Variants in ATP1A1 observed in about 807,000 individuals in gnomAD.
The protein encoded by ATP1A1 is ATPase Na+/K+ transporting subunit alpha 1.
ATP1A1 carries 14 observed loss-of-function variants against 114.8 expected under a neutral mutation model. That is an observed-to-expected ratio of 0.12 (90% CI 0.08 to 0.19). The LOEUF is 0.19. Ranked by LOEUF, ATP1A1 falls within the 10% of genes least tolerant of loss-of-function variation. ATP1A1 has a pLI of 1.00. For missense variants in ATP1A1, 524 were observed against 1,290.7 expected (o/e 0.41, Z 9.10); for synonymous variants, 471 against 466.3 (o/e 1.01, Z -0.13).
intron 1 of ATP1A1, among the ~76,000 whole-genome samples, chr1:116,378,979 T>C (rs1651553505): frequency 6.6e-6 from 1 of 152,168 alleles, no homozygotes; most frequent in Non-Finnish European, 1.5e-5. Flanking sequence ...GAAACTGAAG[T>C]TTTTGTCTGA....
Position 116,401,779 on chromosome 1 carries a change from G to C in ATP1A1, c.2951+124G>C. On this transcript the variant is annotated intron_variant, in intron 21 of 22. Coordinates refer to ENST00000295598, the MANE Select transcript of ATP1A1 (RefSeq NM_000701.8). This position sits in a 1 kb window ranked among gnomAD's most constrained non-coding sequence, Gnocchi z 4.7. ...GTGGTATGTACAAAAATTCCTATGGGTTGGAAAACTGTGAAAGCTTGACAT... is the reference window on the plus strand; with the variant it reads ...GTGGTATGTACAAAAATTCCTATGGCTTGGAAAACTGTGAAAGCTTGACAT... 1.1e-6 allele frequency: 1 copy of C among 930,716 alleles called. No homozygotes were observed. The highest frequency in any genetic ancestry group is 1.7e-6 in the Non-Finnish European group (1 of 602,232). 57.7% of individuals were successfully genotyped at this position (930,716 alleles called of 1,614,324 possible).
rs188950767 is a variant in ATP1A1 at position 116,376,909 on chromosome 1, T to A, written c.12+3386T>A. Among the ~76,000 whole-genome samples, 498 of 152,366 alleles carry A rather than the reference T, an allele frequency of 3.3e-3. 5 individuals are homozygous for A. The highest frequency in any genetic ancestry group is 2.1e-3 in the Non-Finnish European group (142 of 68,046). On this transcript the variant is annotated intron_variant, in intron 1 of 22. Coordinates refer to ENST00000295598, the MANE Select transcript of ATP1A1 (RefSeq NM_000701.8). The stretch of plus-strand genomic sequence containing the variant: ...CCTAAATTGCATTCAAAAATAAAAG[T>A]GAACTCAACATCTTATAGCACAATA...
intron 8 of ATP1A1, 136 bp from the exon 9 acceptor site, chr1:116,390,077 T>C: frequency 1.1e-6 from 1 of 935,452 alleles, no homozygotes; most frequent in South Asian, 1.6e-5. Context: ...GTTCCCCTTA[T>C]TATTTCTTCA....
Position 116,393,846 on chromosome 1 carries a change from T to C in ATP1A1, c.1660+123T>C, listed in dbSNP as rs543240580. On this transcript the variant is annotated intron_variant, in intron 12 of 22. Coordinates refer to ENST00000295598, the MANE Select transcript of ATP1A1 (RefSeq NM_000701.8). This position sits in a 1 kb window ranked among gnomAD's most constrained non-coding sequence, Gnocchi z 5.0. ...CTTGTTGACCTTCCTCTACATCTTT[T>C]AGGGGCAATCCTCCTATTTGTTTAT... The C allele has an allele frequency of 6.0e-5, 57 of 947,696 alleles. No individual in the cohort carries two copies. In the East Asian group the frequency reaches 1.4e-3, roughly 23 times the overall value. The allele number at this position is 947,696 out of a possible 1,614,324, so 58.7% of individuals were successfully genotyped here. A position where few individuals can be genotyped will look rare whatever the true frequency, so the allele number is the denominator to read the frequency against.
chr1:116,396,854 T>G (rs370916414), intron 14 of ATP1A1, 120 bp downstream of exon 14: 8 of 1,263,878 alleles, frequency 6.3e-6, no homozygotes, highest in Admixed American at 3.4e-5. Context: ...GAAATGTACC[T>G]GCACTGCCAG....
chr1:116,400,615 T>C (rs1653376943), intron 18 of ATP1A1, among the ~76,000 whole-genome samples: 1 of 152,168 alleles, frequency 6.6e-6, no homozygotes, highest in Non-Finnish European at 1.5e-5. Context: ...ACATGTGTCT[T>C]TGTGTAGGCT....
chr1:116,389,923 TA>T lies in ATP1A1; in HGVS notation c.1023+219del. Reference sequence around the variant, plus strand: ...AACCCCAAAGCATACATTTTGCTTTTAAATTATCACGTGGTCCTGAACAGTG... The same window carrying T: ...AACCCCAAAGCATACATTTTGCTTTTAATTATCACGTGGTCCTGAACAGTG... On this transcript the variant is annotated intron_variant, in intron 8 of 22. Transcript: ENST00000295598. This position sits in a 1 kb window ranked among gnomAD's most constrained non-coding sequence, Gnocchi z 6.9. The T allele has an allele frequency of 1.2e-6, 1 of 807,268 alleles. No individual in the cohort carries two copies. The highest frequency in any genetic ancestry group is 1.9e-5 in the South Asian group (1 of 53,776). The allele number at this position is 807,268 out of a possible 1,614,324, so 50.0% of individuals were successfully genotyped here.
chr1:116,396,031 G>A (rs1400883397), intron 13 of ATP1A1, among the ~76,000 whole-genome samples: 2 of 152,134 alleles, frequency 1.3e-5, no homozygotes, highest in Non-Finnish European at 2.9e-5. Context: ...GGGGTTACAA[G>A]CGTGAGCCAC....
At chr1:116,390,093 CAGA>C (rs1332282665) in intron 8 of ATP1A1, 117 bp from the exon 9 acceptor site, 1 of 1,059,548 alleles carries the variant, frequency 9.4e-7, no homozygotes, top group South Asian at 1.6e-5. Context: ...CTTCAAACTT[CAGA>C]AGAAGGTTGG....
Position 116,401,885 on chromosome 1 carries a change from C to G in ATP1A1, c.2951+230C>G, listed in dbSNP as rs1182164830. ...GGATTTGGCCCAAGATAAGATAAAG[C>G]CACACAGGCTCTAGCTCCATGGAAC... On this transcript the variant is annotated intron_variant, in intron 21 of 22. Coordinates refer to ENST00000295598, the MANE Select transcript of ATP1A1 (RefSeq NM_000701.8). The surrounding 1 kb of genome is among the most constrained non-coding windows in gnomAD (Gnocchi z 4.7). 1.7e-6 allele frequency: 1 copy of G among 573,736 alleles called. No individual in the cohort carries two copies. Among genetic ancestry groups the G allele is most frequent in the Non-Finnish European group, 3.1e-6 (1 of 323,870 alleles). The allele number at this position is 573,736 out of a possible 1,614,324, so 35.5% of individuals were successfully genotyped here. A position where few individuals can be genotyped will look rare whatever the true frequency, so the allele number is the denominator to read the frequency against.
intron 1 of ATP1A1, chr1:116,382,430 G>A (rs903438090): frequency 6.6e-6 from 1 of 152,170 alleles, no homozygotes. Flanking sequence ...TACCGAAAGA[G>A]GCACCAACAA....
At chr1:116,378,749 G>A (rs778571508) in intron 1 of ATP1A1, among the ~76,000 whole-genome samples, 2 of 152,172 alleles carry the variant, frequency 1.3e-5, no homozygotes, top group Non-Finnish European at 2.9e-5. Context: ...AGGCTTCAGG[G>A]TACTAATTGA....
At position 116,400,843 on chromosome 1, in the gene ATP1A1, G is replaced by A. The variant is rs1488066144; in HGVS notation, c.2573-18G>A. 6.2e-7 allele frequency: 1 copy of A among 1,613,708 alleles called. No homozygotes were observed. The highest frequency in any genetic ancestry group is 8.5e-7 in the Non-Finnish European group (1 of 1,179,894). On this transcript the variant is annotated intron_variant, in intron 18 of 22. Coordinates refer to ENST00000295598, the MANE Select transcript of ATP1A1 (RefSeq NM_000701.8). ...TTGTGTGTGAGGTTCTAGTAATTGG[G>A]TTGTTTTCCCAACTTAGGAATGATC...
At chr1:116,403,372 C>T (rs1206394266) in intron 21 of ATP1A1, among the ~76,000 whole-genome samples, 1 of 152,174 alleles carries the variant, frequency 6.6e-6, no homozygotes, top group Non-Finnish European at 1.5e-5. Flanking sequence ...TTTTCAGTCC[C>T]CAGGACCAGG....
Position 116,389,109 on chromosome 1 carries a change from T to C in ATP1A1, c.754+90T>C, listed in dbSNP as rs1652281293. ...ACCATAGGCACAATCTCTTGTTTTA[T>C]TGGCTCCATTTCTGAGAACTTGTGT... is the stretch of plus-strand genomic sequence containing the variant. On this transcript the variant is annotated intron_variant, in intron 7 of 22. Coordinates refer to ENST00000295598, the MANE Select transcript of ATP1A1 (RefSeq NM_000701.8). This position sits in a 1 kb window ranked among gnomAD's most constrained non-coding sequence, Gnocchi z 6.9. 3.3e-6 allele frequency: 4 copies of C among 1,222,972 alleles called. No individual in the cohort carries two copies. The Admixed American group carries it at 5.6e-5, about 17-fold the overall frequency. The allele number at this position is 1,222,972 out of a possible 1,614,324, so 75.8% of individuals were successfully genotyped here. A position where few individuals can be genotyped will look rare whatever the true frequency, so the allele number is the denominator to read the frequency against.
chr1:116,383,295 C>A, intron 1 of ATP1A1: 1 of 1,026,896 alleles, frequency 9.7e-7, no homozygotes, highest in South Asian at 2.4e-5. Context: ...TTTAAGGAGT[C>A]TTAGGCTGAC....
Position 116,393,693 on chromosome 1 carries a change from G to C in ATP1A1, c.1630G>C (p.Glu544Gln), listed in dbSNP as rs766132580. 6.2e-7 allele frequency: 1 copy of C among 1,613,766 alleles called. No homozygotes were observed. Among genetic ancestry groups the C allele is most frequent in the South Asian group, 1.1e-5 (1 of 91,046 alleles). Reference sequence around the variant, plus strand: ...AGACGCCTTTCAGAACGCCTATTTGGAGCTGGGGGGCCTCGGAGAACGAGT... The same window carrying C: ...AGACGCCTTTCAGAACGCCTATTTGCAGCTGGGGGGCCTCGGAGAACGAGT... ...LKDAFQNAYLELGGLGERVLG... is the reference protein window; with the variant it reads ...LKDAFQNAYLQLGGLGERVLG... Residue 544 changes from glutamate to glutamine, a missense_variant, in exon 12 of 23, where the codon GAG becomes CAG. Glu to Gln is a conservative substitution (Grantham distance 29). This residue lies in a region of ATP1A1 where 143 missense variants were observed against 259.3 expected (regional missense o/e 0.55). Transcript: ENST00000295598. The surrounding 1 kb of genome is among the most constrained non-coding windows in gnomAD (Gnocchi z 5.0).
In ATP1A1 at chr1:116,389,832, TG is replaced by T; in HGVS notation, c.1023+126del. On this transcript the variant is annotated intron_variant, in intron 8 of 22. Transcript: ENST00000295598. This position sits in a 1 kb window ranked among gnomAD's most constrained non-coding sequence, Gnocchi z 6.9. ...TCTGGATGTTTGATATAGTTCTTCT[TG>T]AGAGCCACATCACGTGGTGAATTTT... is the stretch of plus-strand genomic sequence containing the variant. 1 of 1,355,606 alleles carries T rather than the reference TG, an allele frequency of 7.4e-7. No individual in the cohort carries two copies. The highest frequency in any genetic ancestry group is 9.9e-7 in the Non-Finnish European group (1 of 1,008,188). The allele number at this position is 1,355,606 out of a possible 1,614,324, so 84.0% of individuals were successfully genotyped here.
rs773368360 is a variant in ATP1A1 at position 116,403,905 on chromosome 1, C to T, written c.2973C>T (p.Ala991=). The T allele has an allele frequency of 6.2e-7, 1 of 1,614,154 alleles. No homozygotes were observed. Among genetic ancestry groups the T allele is most frequent in the Non-Finnish European group, 8.5e-7 (1 of 1,179,978 alleles). The change falls in exon 22 of 23, where the codon GCC becomes GCT. Residue 991 remains alanine (A), a synonymous_variant. Transcript: ENST00000295598. ...CCAGACCTACCTGGTGGTTCTGTGC[C>T]TTCCCCTACTCTCTTCTCATCTTCG... ...YPLKPTWWFC[A]FPYSLLIFVY...
Sources: allele counts gnomAD v4.1 joint callset (sites outside exome capture counted in the v4.1 genomes callset), GRCh38; gene constraint gnomAD v4.1.1; regional missense constraint gnomAD v4.1.1; non-coding constraint Gnocchi (gnomAD v3.1); transcripts MANE v1.5; gene names NCBI Gene and HGNC (gene_info 2026-07-23, HGNC 2026-07-21).